SFXN5: variants seen among roughly 807,000 people sequenced by gnomAD.
SFXN5 encodes sideroflexin 5.
A neutral mutation model predicts 50.2 loss-of-function variants in SFXN5; 43 were observed. The ratio of observed to expected loss-of-function variants is 0.86; its 90% CI spans 0.67 to 1.11. The LOEUF is 1.11. Ranked by LOEUF, SFXN5 falls within the 50% of genes least tolerant of loss-of-function variation. SFXN5 has a pLI of 0.00. For missense variants in SFXN5, 463 were observed against 454.1 expected, an observed-to-expected ratio of 1.02 and a Z score of -0.18; for synonymous variants, 203 against 185.8, an observed-to-expected ratio of 1.09 and a Z score of -0.75.
intron 1 of SFXN5, among the ~76,000 whole-genome samples, chr2:73,062,044 G>C (rs1263305589): frequency 6.6e-6 from 1 of 152,186 alleles, no homozygotes; most frequent in Admixed American, 6.5e-5. Flanking sequence ...TTCAGCCCAG[G>C]AGTTCGAGGC....
chr2:73,033,890 G>C (rs1483663777), intron 3 of SFXN5, among the ~76,000 whole-genome samples: 4 of 152,158 alleles, frequency 2.6e-5, no homozygotes, highest in Admixed American at 6.5e-5. Context: ...GAAGCTAATG[G>C]CATCTACTGG....
At chr2:72,974,185 G>A (rs1220994130) in intron 10 of SFXN5, among the ~76,000 whole-genome samples, 1 of 152,184 alleles carries the variant, frequency 6.6e-6, no homozygotes, top group Non-Finnish European at 1.5e-5. Context: ...GCCAAGTCAG[G>A]GGAAAGTGGG....
chr2:73,071,368 G>A lies in SFXN5; in HGVS notation c.102+236C>T, dbSNP rs1683594977. ...GCGGGCGGGAAAGGCTAGAGGGCGC[G>A]GGCAGTCGGGGAGTGACGGCGCCAA... On this transcript the variant is annotated intron_variant, in intron 1 of 13. Transcript: ENST00000272433. 7 of 514,688 alleles carry A rather than the reference G, an allele frequency of 1.4e-5. No individual in the cohort carries two copies. The South Asian group carries it at 1.7e-4, about 13-fold the overall frequency. 31.9% of individuals were successfully genotyped at this position (514,688 alleles called of 1,614,324 possible). A position where few individuals can be genotyped will look rare whatever the true frequency, so the allele number is the denominator to read the frequency against.
chr2:73,021,204 A>G (rs767317317), intron 5 of SFXN5, among the ~76,000 whole-genome samples: 2 of 152,162 alleles, frequency 1.3e-5, no homozygotes, highest in Non-Finnish European at 2.9e-5. Flanking sequence ...ATCTACAACC[A>G]CAACTGTAAG....
intron 6 of SFXN5, among the ~76,000 whole-genome samples, chr2:73,015,901 G>A (rs1266568211): frequency 1.3e-5 from 2 of 149,316 alleles, no homozygotes; most frequent in Non-Finnish European, 3.0e-5. Flanking sequence ...TCGCATCACT[G>A]CACTCCAGCC....
At chr2:72,947,189 G>A (rs1048589013) in intron 13 of SFXN5, among the ~76,000 whole-genome samples, 25 of 152,332 alleles carry the variant, frequency 1.6e-4, no homozygotes, top group African/African-American at 5.1e-4. Context: ...GCGGACGTGC[G>A]GATCTGTCTC....
At chr2:72,981,723 A>G (rs1022432701) in intron 10 of SFXN5, among the ~76,000 whole-genome samples, 1 of 152,102 alleles carries the variant, frequency 6.6e-6, no homozygotes, top group Non-Finnish European at 1.5e-5. Flanking sequence ...GCTGCCACCA[A>G]TTCTGGCACC....
rs758676909 is a variant in SFXN5 at position 72,992,351 on chromosome 2, G to C, written c.535-4003C>G. Among the ~76,000 whole-genome samples, 1 of 152,134 alleles carries C rather than the reference G, an allele frequency of 6.6e-6. No homozygotes were observed. Among genetic ancestry groups the C allele is most frequent in the Non-Finnish European group, 1.5e-5 (1 of 68,020 alleles). On this transcript the variant is annotated intron_variant, in intron 9 of 13. Coordinates refer to ENST00000272433, the MANE Select transcript of SFXN5 (RefSeq NM_144579.3). The surrounding 1 kb of genome is among the most constrained non-coding windows in gnomAD (Gnocchi z 4.5). Reference sequence around the variant, plus strand: ...TAGCCTTAAGTACCAAGGGCTTTCCGGGCCAACAACAGGCCAGCAAGGAGA... The same window carrying C: ...TAGCCTTAAGTACCAAGGGCTTTCCCGGCCAACAACAGGCCAGCAAGGAGA...
intron 5 of SFXN5, 74 bp from the exon 6 acceptor site, chr2:73,020,338 G>T: frequency 1.3e-6 from 2 of 1,529,062 alleles, no homozygotes; most frequent in Non-Finnish European, 1.8e-6. Flanking sequence ...GAGCCTCCGG[G>T]TTAGGTCTTA....
chr2:72,979,073 T>A (rs1158126086), intron 10 of SFXN5, among the ~76,000 whole-genome samples: 2 of 152,188 alleles, frequency 1.3e-5, no homozygotes, highest in African/African-American at 4.8e-5. Context: ...AAAACCACAA[T>A]GAAAGGCAAG....
At chr2:73,009,198 A>G (rs889145645) in intron 6 of SFXN5, among the ~76,000 whole-genome samples, 6 of 152,200 alleles carry the variant, frequency 3.9e-5, no homozygotes, top group African/African-American at 1.4e-4. Flanking sequence ...CCATCAGACC[A>G]GGGGCTTTCC....
intron 6 of SFXN5, among the ~76,000 whole-genome samples, chr2:73,008,627 G>C (rs1022567295): frequency 6.6e-6 from 1 of 152,200 alleles, no homozygotes; most frequent in Non-Finnish European, 1.5e-5. Flanking sequence ...GGGGAAACCT[G>C]GGAAGGGAGA....
intron 1 of SFXN5, among the ~76,000 whole-genome samples, chr2:73,068,108 G>C (rs1434962347): frequency 2.6e-5 from 4 of 152,152 alleles, no homozygotes; most frequent in African/African-American, 4.8e-5. Context: ...CCGTCCTCTT[G>C]CACAGGGAGA....
chr2:73,004,197 G>A (rs536542678), intron 6 of SFXN5, among the ~76,000 whole-genome samples: 24 of 152,160 alleles, frequency 1.6e-4, no homozygotes, highest in African/African-American at 4.1e-4. Flanking sequence ...CCCCTTGAGC[G>A]CAGAGAGAGG....
At chr2:73,003,262 G>A (rs1355300927) in intron 6 of SFXN5, among the ~76,000 whole-genome samples, 2 of 152,160 alleles carry the variant, frequency 1.3e-5, no homozygotes, top group African/African-American at 4.8e-5. Context: ...AGCCCAGCAC[G>A]TCATCCCCTG....
At position 73,019,197 on chromosome 2, in the gene SFXN5, A is replaced by T. The variant is rs1413584988; in HGVS notation, c.357+1042T>A. ...AGACACAAAAGAGCACATGTTGATG[A>T]TTACATTTATATCAAGTTCAATAAC... is the stretch of plus-strand genomic sequence containing the variant. On this transcript the variant is annotated intron_variant, in intron 6 of 13. Coordinates refer to ENST00000272433, the MANE Select transcript of SFXN5 (RefSeq NM_144579.3). Among the ~76,000 whole-genome samples, 5 of 152,316 alleles carry T rather than the reference A, an allele frequency of 3.3e-5. No individual in the cohort carries two copies. The East Asian group carries it at 9.7e-4, about 29-fold the overall frequency.
Position 73,071,648 on chromosome 2 carries a change from T to C in SFXN5, c.58A>G (p.Ser20Gly), listed in dbSNP as rs2106090465. 6.2e-7 allele frequency: 1 copy of C among 1,613,632 alleles called. No homozygotes were observed. The highest frequency in any genetic ancestry group is 8.5e-7 in the Non-Finnish European group (1 of 1,179,896). Residue 20 changes from serine to glycine, a missense_variant, in exon 1 of 14, where the codon AGC (serine) becomes GGC (glycine). Coordinates refer to ENST00000272433, the MANE Select transcript of SFXN5 (RefSeq NM_144579.3). ...AAAASAASASSDAPPFQLGKP... is the reference protein window; with the variant it reads ...AAAASAASASGDAPPFQLGKP... ...CCCAGTTGGAAAGGAGGTGCATCGC[T>C]CGAGGCGCTAGCGGCACTAGCCGCC...
chr2:72,988,223 C>A (rs749420723), intron 10 of SFXN5, 35 bp downstream of exon 10: 44 of 1,591,272 alleles, frequency 2.8e-5, no homozygotes, highest in Non-Finnish European at 3.7e-5. Flanking sequence ...CCACACCCAC[C>A]CACAGCACAC....
At chr2:72,969,421 G>T (rs970097995) in intron 11 of SFXN5, among the ~76,000 whole-genome samples, 1 of 151,986 alleles carries the variant, frequency 6.6e-6, no homozygotes, top group African/African-American at 2.4e-5. Context: ...TTAGATGGAG[G>T]TCTTGCTCTG....
Sources: gnomAD v4.1 joint callset for allele counts (sites outside exome capture counted in the v4.1 genomes callset) on GRCh38, gnomAD v4.1.1 for gene constraint, Gnocchi (gnomAD v3.1) non-coding constraint, MANE v1.5 for transcripts, NCBI Gene and HGNC (gene_info 2026-07-23, HGNC 2026-07-21) for gene names.